Variants in LOXL2 observed in about 807,000 individuals in gnomAD.
LOXL2 encodes the protein lysyl oxidase homolog 2.
In LOXL2, 70 loss-of-function variants were observed where a neutral mutation model predicts 93.0. The ratio of observed to expected loss-of-function variants is 0.75; its 90% CI spans 0.62 to 0.92. LOXL2 has a LOEUF of 0.92. Ranked by LOEUF, LOXL2 falls within the 40% of genes least tolerant of loss-of-function variation. The probability of loss-of-function intolerance (pLI) is 0.00; values close to 1 mark genes in which losing one functional copy is unlikely to be tolerated. For synonymous variants in LOXL2, 438 were observed against 413.2 expected (o/e 1.06, Z -0.73); for missense variants, 973 against 1,054.9 (o/e 0.92, Z 1.08).
chr8:23,397,290 G>C (rs1800102972), intron 1 of LOXL2, among the ~76,000 whole-genome samples: 1 of 152,174 alleles, frequency 6.6e-6, no homozygotes, highest in Admixed American at 6.5e-5. Flanking sequence ...GGTGATGGTA[G>C]CACAGCAGTG....
rs1050426761 is a variant in LOXL2, at chr8:23,320,001, C to A, written c.1354G>T (p.Val452Leu). 1.9e-6 allele frequency: 3 copies of A among 1,614,128 alleles called. No homozygotes were observed. In the Admixed American group the frequency reaches 5.0e-5, roughly 27 times the overall value. ...CACACAAGGGACCCGTTTCTCTCCA[C>A]CAGCACCTCCACTCGGCCCTCGTAG... is the stretch of plus-strand genomic sequence containing the variant. ...NPYEGRVEVL[V>L]ERNGSLVWGM... Residue 452 changes from valine to leucine, a missense_variant, in exon 8 of 14, where the codon GTG becomes TTG. Transcript: ENST00000389131.
intron 1 of LOXL2, among the ~76,000 whole-genome samples, chr8:23,375,740 C>CACTG (rs1563205958): frequency 6.6e-6 from 1 of 151,102 alleles, no homozygotes; most frequent in East Asian, 1.9e-4. Flanking sequence ...TGATTTGGCT[C>CACTG]TCTGTTATTG....
In LOXL2 at chr8:23,341,137, G is replaced by T. The variant is rs998180830; in HGVS notation, c.598C>A (p.Pro200Thr). The change falls in exon 4 of 14, where the codon CCA (proline) becomes ACA (threonine). Residue 200 changes from proline (P) to threonine (T), a missense_variant. Transcript: ENST00000389131. ...ACCTCCACGTAGCCCTCCATCACTG[G>T]GGTGCGCTTGCGGTAGGTTGAGAGG... ...AILSTYRKRT[P>T]VMEGYVEVKE... is the part of the protein sequence containing the mutation. 5.6e-6 allele frequency: 9 copies of T among 1,613,962 alleles called. No homozygotes were observed. The highest frequency in any genetic ancestry group is 5.0e-5 in the Admixed American group (3 of 60,024).
intron 5 of LOXL2, chr8:23,329,133 C>T (rs981822643): frequency 1.3e-5 from 2 of 152,538 alleles, no homozygotes; most frequent in Admixed American, 6.5e-5. Context: ...CTGCTGTGCA[C>T]ACCAGCTAGA....
intron 1 of LOXL2, among the ~76,000 whole-genome samples, chr8:23,398,617 C>T (rs1330457355): frequency 6.6e-6 from 1 of 152,150 alleles, no homozygotes; most frequent in Non-Finnish European, 1.5e-5. Flanking sequence ...TTTGTTAAAA[C>T]TCTGGACAGA....
At chr8:23,386,913 T>C (rs1804773562) in intron 1 of LOXL2, among the ~76,000 whole-genome samples, 1 of 152,080 alleles carries the variant, frequency 6.6e-6, no homozygotes, top group Admixed American at 6.6e-5. Flanking sequence ...CCTCCCAAGG[T>C]GCTGGGATTG....
At chr8:23,312,993 T>C in intron 9 of LOXL2, among the ~76,000 whole-genome samples, 1 of 148,506 alleles carries the variant, frequency 6.7e-6, no homozygotes, top group South Asian at 2.1e-4. Flanking sequence ...ACAAGCATTC[T>C]TATACACCAA....
chr8:23,349,244 C>G (rs1362833781), intron 3 of LOXL2, among the ~76,000 whole-genome samples: 1 of 152,210 alleles, frequency 6.6e-6, no homozygotes, highest in Non-Finnish European at 1.5e-5. Flanking sequence ...CTCCTCGCCT[C>G]TGGTTTCTTC....
intron 1 of LOXL2, chr8:23,386,167 C>T: frequency 1.5e-6 from 1 of 645,596 alleles, no homozygotes; most frequent in South Asian, 1.7e-5. Flanking sequence ...CCCTTATTCA[C>T]TAATTGTTGA....
chr8:23,311,035 G>A (rs767197739), intron 9 of LOXL2, among the ~76,000 whole-genome samples: 6 of 152,218 alleles, frequency 3.9e-5, no homozygotes, highest in Non-Finnish European at 8.8e-5. Flanking sequence ...CAAGTTGCTT[G>A]TAAATTTTTT....
chr8:23,375,202 A>T (rs1804568587), intron 1 of LOXL2, among the ~76,000 whole-genome samples: 2 of 152,302 alleles, frequency 1.3e-5, no homozygotes, highest in South Asian at 2.1e-4. Context: ...TTAAATAGGG[A>T]ATCCTTTCCC....
At position 23,333,628 on chromosome 8, in the gene LOXL2, A is replaced by G; in HGVS notation, c.744-5T>C. ...TTCCTCCGTGAGGCAAACATTCTGCAGACGATGGGAGGGGACAGGGGACCA... is the reference window on the plus strand; with the variant it reads ...TTCCTCCGTGAGGCAAACATTCTGCGGACGATGGGAGGGGACAGGGGACCA... On this transcript the variant is annotated splice_region_variant and splice_polypyrimidine_tract_variant and intron_variant, in intron 4 of 13. Transcript: ENST00000389131. 6.2e-7 allele frequency: 1 copy of G among 1,610,000 alleles called. No homozygotes were observed. Among genetic ancestry groups the G allele is most frequent in the Non-Finnish European group, 8.5e-7 (1 of 1,177,184 alleles).
At chr8:23,346,185 T>TAAAAAAA (rs1803980471) in intron 3 of LOXL2, among the ~76,000 whole-genome samples, 1 of 98,738 alleles carries the variant, frequency 1.0e-5, no homozygotes, top group African/African-American at 5.6e-5. Context: ...AATAAAATAA[T>TAAAAAAA]AAAATAAAAT....
chr8:23,329,159 AACGGG>A (rs1457872294), intron 5 of LOXL2: 2 of 152,384 alleles, frequency 1.3e-5, no homozygotes, highest in Non-Finnish European at 1.5e-5. Context: ...GAGGGAGCAG[AACGGG>A]AAGACAGGCA....
At position 23,349,993 on chromosome 8, in the gene LOXL2, C is replaced by T. The variant is rs148653419; in HGVS notation, c.532-8790G>A. Among the ~76,000 whole-genome samples the T allele has an allele frequency of 2.0e-3, 298 of 152,240 alleles. 1 individual carries two copies. The highest frequency in any genetic ancestry group is 6.8e-3 in the African/African-American group (283 of 41,556). ...ATGCAGTCCTCATCTCTCTTCCTAA[C>T]ATAAGCACGACTTGTGTGACTTATG... On this transcript the variant is annotated intron_variant, in intron 3 of 13. Transcript: ENST00000389131.
intron 4 of LOXL2, among the ~76,000 whole-genome samples, chr8:23,334,288 C>T (rs1462604427): frequency 1.3e-5 from 2 of 152,248 alleles, no homozygotes; most frequent in Non-Finnish European, 2.9e-5. Context: ...ATCTGCCTGC[C>T]TCGGCCTCCC....
Position 23,333,529 on chromosome 8 carries a change from G to C in LOXL2, c.838C>G (p.Gln280Glu). 1 of 1,613,972 alleles carries C rather than the reference G, an allele frequency of 6.2e-7. No individual in the cohort carries two copies. ...AHISSCKLGP[Q>E]VSLDPMKNVT... Reference sequence around the variant, plus strand: ...TTCTTCATGGGGTCCAGTGACACCTGGGGGCCCAGCTTGCAGCTGGAGATG... The same window carrying C: ...TTCTTCATGGGGTCCAGTGACACCTCGGGGCCCAGCTTGCAGCTGGAGATG... The change falls in exon 5 of 14, where the codon CAG becomes GAG. Residue 280 changes from glutamine to glutamate, a missense_variant. Physicochemically the swap from Gln to Glu is conservative, Grantham distance 29 (BLOSUM62 2). Coordinates refer to ENST00000389131, the MANE Select transcript of LOXL2 (RefSeq NM_002318.3).
chr8:23,371,558 C>T (rs559714001), intron 1 of LOXL2, among the ~76,000 whole-genome samples: 1 of 151,646 alleles, frequency 6.6e-6, no homozygotes, highest in Admixed American at 6.6e-5. Context: ...CAAGCCCATC[C>T]CGGCTAACAC....
At chr8:23,386,628 A>G (rs1804764794) in intron 1 of LOXL2, among the ~76,000 whole-genome samples, 1 of 152,166 alleles carries the variant, frequency 6.6e-6, no homozygotes, top group Non-Finnish European at 1.5e-5. Context: ...GAGAGTTTTT[A>G]GAAAACAGGC....
Sources: gnomAD v4.1 joint callset for allele counts (sites outside exome capture counted in the v4.1 genomes callset) on GRCh38, gnomAD v4.1.1 for gene constraint, MANE v1.5 for transcripts, NCBI Gene and HGNC (gene_info 2026-07-23, HGNC 2026-07-21) for gene names.